RPS6KC1: variants seen among roughly 807,000 people sequenced by gnomAD.
RPS6KC1 encodes ribosomal protein S6 kinase C1.
RPS6KC1 carries 54 observed loss-of-function variants against 103.8 expected under a neutral mutation model. That is an observed-to-expected ratio of 0.52 (90% confidence interval 0.42 to 0.65). The LOEUF is 0.65. Ranked by LOEUF, RPS6KC1 falls within the 30% of genes least tolerant of loss-of-function variation. The probability of loss-of-function intolerance (pLI) is 0.00; values close to 1 mark genes in which losing one functional copy is unlikely to be tolerated. For missense variants in RPS6KC1, 1,151 were observed against 1,253.8 expected (o/e 0.92, Z 1.24); for synonymous variants, 439 against 438.7 (o/e 1.00, Z -0.01).
At chr1:213,725,822 T>C in the RPS6KC1 span, among the ~76,000 whole-genome samples, 76 of 152,344 alleles carry the variant, frequency 5.0e-4, 1 homozygote, top group African/African-American at 1.8e-3. Flanking sequence ...TGTTTTGTTC[T>C]TTTCCTTATT....
the RPS6KC1 span, among the ~76,000 whole-genome samples, chr1:213,807,978 T>C: frequency 6.6e-6 from 1 of 152,210 alleles, no homozygotes; most frequent in Non-Finnish European, 1.5e-5. Context: ...TTCTGTTTGT[T>C]AGTTTTCCTT....
At chr1:213,316,614 G>A in the RPS6KC1 span, among the ~76,000 whole-genome samples, 1 of 152,174 alleles carries the variant, frequency 6.6e-6, no homozygotes, top group Admixed American at 6.5e-5. Context: ...GGGAGAGGCA[G>A]ATGATGAACA....
intron 8 of RPS6KC1, chr1:213,176,851 G>A (rs2091907820): frequency 6.3e-6 from 1 of 159,302 alleles, no homozygotes; most frequent in Non-Finnish European, 1.4e-5. Flanking sequence ...GGTCAAAAAA[G>A]TGGAATCCCC....
chr1:213,591,812 G>C, the RPS6KC1 span, among the ~76,000 whole-genome samples: 2 of 152,186 alleles, frequency 1.3e-5, no homozygotes, highest in Non-Finnish European at 2.9e-5. Context: ...GGCTTCAGTG[G>C]AACCTGTGGG....
At chr1:213,495,384 C>T in the RPS6KC1 span, among the ~76,000 whole-genome samples, 6 of 152,038 alleles carry the variant, frequency 3.9e-5, no homozygotes, top group East Asian at 7.7e-4. Flanking sequence ...TGCAGTGGCA[C>T]AATCTCAGCT....
At chr1:213,354,176 A>G in the RPS6KC1 span, among the ~76,000 whole-genome samples, 1 of 152,234 alleles carries the variant, frequency 6.6e-6, no homozygotes, top group African/African-American at 2.4e-5. Flanking sequence ...AACAGAAGCT[A>G]ATAGGATCTA....
intron 8 of RPS6KC1, among the ~76,000 whole-genome samples, chr1:213,203,421 T>C (rs1254740555): frequency 2.6e-5 from 4 of 152,180 alleles, no homozygotes; most frequent in African/African-American, 9.7e-5. Context: ...AATTTGGATT[T>C]CACTGTCATT....
the RPS6KC1 span, among the ~76,000 whole-genome samples, chr1:213,524,309 G>C: frequency 6.6e-6 from 1 of 151,978 alleles, no homozygotes; most frequent in Non-Finnish European, 1.5e-5. Flanking sequence ...CAGAGGCCCT[G>C]TCTTACCCCA....
chr1:213,444,881 C>T, the RPS6KC1 span, among the ~76,000 whole-genome samples: 1 of 152,034 alleles, frequency 6.6e-6, no homozygotes, highest in South Asian at 2.1e-4. Flanking sequence ...TAAAATTCAC[C>T]CATTTACAGG....
the RPS6KC1 span, among the ~76,000 whole-genome samples, chr1:213,815,679 T>G: frequency 6.6e-6 from 1 of 152,352 alleles, no homozygotes; most frequent in Middle Eastern, 3.4e-3. Context: ...ATGTTGTGGC[T>G]GGTTTGATCT....
the RPS6KC1 span, among the ~76,000 whole-genome samples, chr1:213,645,272 T>C: frequency 6.6e-6 from 1 of 152,136 alleles, no homozygotes; most frequent in African/African-American, 2.4e-5. Flanking sequence ...CTTGTGTTTT[T>C]GCCATACCAA....
At chr1:213,228,816 CAT>C (rs1201618705) in intron 8 of RPS6KC1, among the ~76,000 whole-genome samples, 1 of 152,076 alleles carries the variant, frequency 6.6e-6, no homozygotes, top group Non-Finnish European at 1.5e-5. Context: ...AAGTATAGCA[CAT>C]AGTAAATGCT....
chr1:213,622,683 C>T, the RPS6KC1 span, among the ~76,000 whole-genome samples: 1 of 152,110 alleles, frequency 6.6e-6, no homozygotes, highest in Non-Finnish European at 1.5e-5. Flanking sequence ...CCCCCATAGG[C>T]ACTTGATCCT....
chr1:213,696,364 TGGTGGCACGTGCCTG>T, the RPS6KC1 span, among the ~76,000 whole-genome samples: 1 of 151,822 alleles, frequency 6.6e-6, no homozygotes, highest in Non-Finnish European at 1.5e-5. Context: ...TAGCCAGGCA[TGGTGGCACGTGCCTG>T]TAATCCCAGC....
intron 4 of RPS6KC1, among the ~76,000 whole-genome samples, chr1:213,115,036 C>T (rs1278038363): frequency 6.6e-6 from 1 of 152,112 alleles, no homozygotes; most frequent in African/African-American, 2.4e-5. Flanking sequence ...TGTCTCTGCC[C>T]AGCTTTGGTA....
the RPS6KC1 span, among the ~76,000 whole-genome samples, chr1:213,402,958 CAAAA>C: frequency 2.8e-4 from 31 of 111,508 alleles, no homozygotes; most frequent in Middle Eastern, 5.3e-3. Context: ...ACTAAAAATA[CAAAA>C]AAAAAAAAAA....
At chr1:213,240,646 A>C in intron 10 of RPS6KC1, 56 bp from the exon 11 acceptor site, 1 of 1,432,778 alleles carries the variant, frequency 7.0e-7, no homozygotes, top group Non-Finnish European at 9.5e-7. Context: ...TGGCTTAAAT[A>C]ACTGTCAATT....
chr1:213,281,807 G>T, the RPS6KC1 span, among the ~76,000 whole-genome samples: 4 of 152,112 alleles, frequency 2.6e-5, no homozygotes, highest in Non-Finnish European at 5.9e-5. Context: ...CACTCCCCAG[G>T]TGCCAAAACA....
chr1:213,530,823 G>A, the RPS6KC1 span, among the ~76,000 whole-genome samples: 1 of 152,240 alleles, frequency 6.6e-6, no homozygotes, highest in East Asian at 1.9e-4. Context: ...TGACCTGAGA[G>A]CCTGAAGGGC....
Sources: allele counts gnomAD v4.1 joint callset (sites outside exome capture counted in the v4.1 genomes callset), GRCh38; gene constraint gnomAD v4.1.1; transcripts MANE v1.5; gene names NCBI Gene and HGNC (gene_info 2026-07-23, HGNC 2026-07-21).